SLC13A1: variants seen among roughly 807,000 people sequenced by gnomAD.
SLC13A1 encodes Na(+)/sulfate cotransporter.
In SLC13A1, 65 loss-of-function variants were observed where a neutral mutation model predicts 70.0. The ratio of observed to expected loss-of-function variants is 0.93; its 90% CI spans 0.76 to 1.14. The LOEUF (loss-of-function observed/expected upper bound fraction) is 1.14. Ranked by LOEUF, SLC13A1 falls within the 50% of genes most tolerant of loss-of-function variation. The pLI, the probability that SLC13A1 is intolerant of heterozygous loss-of-function variation, is 0.00. For synonymous variants in SLC13A1, 275 were observed against 250.5 expected (o/e 1.10, Z -0.92); for missense variants, 726 against 717.8 (o/e 1.01, Z -0.13).
At chr7:123,125,703 A>C in intron 10 of SLC13A1, 28 bp from the exon 11 acceptor site, 1 of 1,518,234 alleles carries the variant, frequency 6.6e-7, no homozygotes, top group Non-Finnish European at 9.1e-7. Flanking sequence ...ACATGTATTA[A>C]AAATAGCATC....
At position 123,160,472 on chromosome 7, in the gene SLC13A1, G is replaced by A. The variant is rs1446232209; in HGVS notation, c.660+7902C>T. On this transcript the variant is annotated intron_variant, in intron 6 of 14. Coordinates refer to ENST00000194130, the MANE Select transcript of SLC13A1 (RefSeq NM_022444.4). ...ACCAAAATGGACAGAAGTATCAGAA[G>A]AAATAGAATACCTGCATGATAGAAG... Among the ~76,000 whole-genome samples, 7 of 152,026 alleles carry A rather than the reference G, an allele frequency of 4.6e-5. No individual in the cohort carries two copies. In the South Asian group the frequency reaches 1.0e-3, roughly 23 times the overall value.
chr7:123,181,543 G>A (rs1380499587), intron 1 of SLC13A1, among the ~76,000 whole-genome samples: 1 of 152,114 alleles, frequency 6.6e-6, no homozygotes, highest in Non-Finnish European at 1.5e-5. Flanking sequence ...TGGGACCTAA[G>A]CACTCCTGCC....
intron 2 of SLC13A1, among the ~76,000 whole-genome samples, chr7:123,176,049 A>AT (rs1238215475): frequency 1.6e-4 from 24 of 152,202 alleles, no homozygotes; most frequent in Non-Finnish European, 2.4e-4. Context: ...ATGACTATGG[A>AT]TTTGTCCTAC....
chr7:123,117,268 C>T (rs370191414), intron 14 of SLC13A1, among the ~76,000 whole-genome samples: 10 of 151,974 alleles, frequency 6.6e-5, no homozygotes, highest in Admixed American at 5.2e-4. Context: ...TGTTTGTGAC[C>T]GTAAGTTTTA....
chr7:123,177,625 G>T (rs1051777754), intron 2 of SLC13A1, among the ~76,000 whole-genome samples: 2 of 151,958 alleles, frequency 1.3e-5, no homozygotes, highest in African/African-American at 4.8e-5. Flanking sequence ...CTGCAATAAG[G>T]TCTTTGCACT....
At chr7:123,187,386 A>G (rs1278607856) in intron 1 of SLC13A1, among the ~76,000 whole-genome samples, 1 of 152,230 alleles carries the variant, frequency 6.6e-6, no homozygotes, top group Non-Finnish European at 1.5e-5. Flanking sequence ...TTTAGAACAT[A>G]GTAAAAATAT....
chr7:123,138,502 A>G (rs1252050254), intron 7 of SLC13A1, among the ~76,000 whole-genome samples: 2 of 152,116 alleles, frequency 1.3e-5, no homozygotes, highest in East Asian at 1.9e-4. Context: ...ACTGTTCTCT[A>G]TAGTGGTTGT....
intron 12 of SLC13A1, among the ~76,000 whole-genome samples, chr7:123,122,515 C>T (rs978772018): frequency 2.0e-5 from 3 of 152,112 alleles, no homozygotes; most frequent in East Asian, 3.9e-4. Context: ...CAAACTGTTG[C>T]TTTATATCAA....
At chr7:123,159,379 CA>C (rs1794812017) in intron 6 of SLC13A1, among the ~76,000 whole-genome samples, 1 of 152,066 alleles carries the variant, frequency 6.6e-6, no homozygotes. Context: ...CAAAAGGGAC[CA>C]GAAATCCCTC....
intron 7 of SLC13A1, 50 bp from the exon 8 acceptor site, chr7:123,134,579 C>A: frequency 6.3e-7 from 1 of 1,575,638 alleles, no homozygotes; most frequent in Non-Finnish European, 8.6e-7. Context: ...CAGGTGGAAT[C>A]CTTTCTGATT....
At chr7:123,154,104 C>T (rs1171006411) in intron 6 of SLC13A1, among the ~76,000 whole-genome samples, 1 of 151,878 alleles carries the variant, frequency 6.6e-6, no homozygotes, top group Non-Finnish European at 1.5e-5. Context: ...CAAGTGTGAC[C>T]CAGCTGATTA....
chr7:123,115,391 A>G lies in SLC13A1; in HGVS notation c.*127T>C, dbSNP rs6466854. 0.99 allele frequency: 935,505 copies of G among 942,636 alleles called. 464,524 individuals are homozygous for G. The highest frequency in any genetic ancestry group is 1 in the East Asian group (38,836 of 38,840). The allele number at this position is 942,636 out of a possible 1,614,324, so 58.4% of individuals were successfully genotyped here. The stretch of plus-strand genomic sequence containing the variant: ...ATAACAGCAGGTTTCGGGTATTCAC[A>G]GGAATTGCAGCAGCTACACCATAAC... On this transcript the variant is annotated 3_prime_UTR_variant, in exon 15 of 15. Coordinates refer to ENST00000194130, the MANE Select transcript of SLC13A1 (RefSeq NM_022444.4).
At chr7:123,153,427 A>AT (rs905248380) in intron 6 of SLC13A1, among the ~76,000 whole-genome samples, 4 of 152,036 alleles carry the variant, frequency 2.6e-5, no homozygotes, top group Non-Finnish European at 5.9e-5. Flanking sequence ...TGAATGCACC[A>AT]TTTTTTTAAT....
rs201644707 is a variant in SLC13A1, at chr7:123,127,838, ATT to A, written c.1133+1005_1133+1006del. On this transcript the variant is annotated intron_variant, in intron 10 of 14. Coordinates refer to ENST00000194130, the MANE Select transcript of SLC13A1 (RefSeq NM_022444.4). ...ATTTTGGTTTCTACCCCAAAATACA[ATT>A]TTTTTTTTTTTTTTTTTTTTTTTTT... Among the ~76,000 whole-genome samples, 228 of 106,752 alleles carry A rather than the reference ATT, an allele frequency of 2.1e-3. 2 individuals are homozygous for A. Among genetic ancestry groups the A allele is most frequent in the African/African-American group, 7.4e-3 (185 of 25,162 alleles). The allele number at this position is 106,752 out of a possible 152,430, so 70.0% of individuals were successfully genotyped here.
intron 7 of SLC13A1, among the ~76,000 whole-genome samples, chr7:123,136,147 C>T (rs1793942013): frequency 6.6e-6 from 1 of 152,182 alleles, no homozygotes; most frequent in Non-Finnish European, 1.5e-5. Flanking sequence ...TCACTTTTCA[C>T]CATCTGTGGC....
rs372697404 is a variant in SLC13A1, at chr7:123,180,104, A to T, written c.228+869T>A. On this transcript the variant is annotated intron_variant, in intron 2 of 14. Coordinates refer to ENST00000194130, the MANE Select transcript of SLC13A1 (RefSeq NM_022444.4). ...ACTCGAAGTTAGGTGGGAGGGGAAA[A>T]CCCAGTAAGAAAAGAGGATCAGGGA... 5.3e-5 allele frequency among the ~76,000 whole-genome samples: 8 copies of T among 152,206 alleles called. No homozygotes were observed. In the East Asian group the frequency reaches 7.7e-4, roughly 15 times the overall value.
At chr7:123,169,587 A>G (rs1482912740) in intron 3 of SLC13A1, among the ~76,000 whole-genome samples, 2 of 152,220 alleles carry the variant, frequency 1.3e-5, no homozygotes, top group Non-Finnish European at 2.9e-5. Flanking sequence ...TTTTCTCTTC[A>G]GAAACAGAAA....
At chr7:123,131,243 G>T (rs1392185792) in intron 8 of SLC13A1, among the ~76,000 whole-genome samples, 1 of 152,058 alleles carries the variant, frequency 6.6e-6, no homozygotes, top group African/African-American at 2.4e-5. Context: ...ACTAGTGCCA[G>T]TCTCAAACTT....
At chr7:123,173,974 T>G (rs868824358) in intron 2 of SLC13A1, among the ~76,000 whole-genome samples, 3 of 150,234 alleles carry the variant, frequency 2.0e-5, no homozygotes, top group African/African-American at 5.0e-5. Context: ...GAAGCTGTTT[T>G]TTTTTTTTTT....
Sources: gnomAD v4.1 joint callset for allele counts (sites outside exome capture counted in the v4.1 genomes callset) on GRCh38, gnomAD v4.1.1 for gene constraint, MANE v1.5 for transcripts, NCBI Gene and HGNC (gene_info 2026-07-23, HGNC 2026-07-21) for gene names.